ABCA1: variants seen among roughly 807,000 people sequenced by gnomAD.
The protein encoded by ABCA1 is phospholipid-transporting ATPase ABCA1.
ABCA1 carries 133 observed loss-of-function variants against 262.5 expected under a neutral mutation model. The observed-to-expected ratio is 0.51, with a 90% CI of 0.44 to 0.59. The LOEUF (loss-of-function observed/expected upper bound fraction) is 0.59. ABCA1 is among the 20% of genes least tolerant of loss of function. The pLI, the probability that ABCA1 is intolerant of heterozygous loss-of-function variation, is 0.00. For synonymous variants in ABCA1, 1,022 were observed against 1,043.5 expected, an observed-to-expected ratio of 0.98 and a Z score of 0.40; for missense variants, 2,452 against 2,777.5, an observed-to-expected ratio of 0.88 and a Z score of 2.63.
At chr9:104,901,391 C>T (rs144569095) in intron 2 of ABCA1, among the ~76,000 whole-genome samples, 3 of 152,216 alleles carry the variant, frequency 2.0e-5, no homozygotes, top group Middle Eastern at 3.4e-3. Context: ...GACTAGACTA[C>T]CCCAGAGCCA....
chr9:104,882,245 C>T (rs547493606), intron 5 of ABCA1, among the ~76,000 whole-genome samples: 1 of 152,224 alleles, frequency 6.6e-6, no homozygotes, highest in South Asian at 2.1e-4. Context: ...AGTAATTTAT[C>T]ACTGACATTG....
At chr9:104,880,384 C>T (rs542107783) in intron 5 of ABCA1, among the ~76,000 whole-genome samples, 20 of 152,184 alleles carry the variant, frequency 1.3e-4, no homozygotes, top group African/African-American at 4.8e-4. Context: ...CCTGTCATCC[C>T]AGCCCTTCGG....
At chr9:104,799,012 T>C (rs1396267631) in intron 36 of ABCA1, among the ~76,000 whole-genome samples, 1 of 152,154 alleles carries the variant, frequency 6.6e-6, no homozygotes, top group Non-Finnish European at 1.5e-5. Flanking sequence ...CTCAAATAAA[T>C]TAATATTTCT....
chr9:104,874,245 G>C (rs1315298408), intron 5 of ABCA1, among the ~76,000 whole-genome samples: 1 of 152,202 alleles, frequency 6.6e-6, no homozygotes, highest in Non-Finnish European at 1.5e-5. Flanking sequence ...ATATCAGAAA[G>C]GCCAAACAGG....
At chr9:104,797,346 C>G (rs1206008802) in intron 37 of ABCA1, among the ~76,000 whole-genome samples, 1 of 152,104 alleles carries the variant, frequency 6.6e-6, no homozygotes, top group Non-Finnish European at 1.5e-5. Flanking sequence ...TCAAAAAAAT[C>G]AAATGAATTT....
At position 104,800,255 on chromosome 9, in the gene ABCA1, G is replaced by A. The variant is rs926766105; in HGVS notation, c.4773+255C>T. Among the ~76,000 whole-genome samples, 3 of 152,262 alleles carry A rather than the reference G, an allele frequency of 2.0e-5. No individual in the cohort carries two copies. The East Asian group carries it at 5.8e-4, about 29-fold the overall frequency. On this transcript the variant is annotated intron_variant, in intron 35 of 49. Coordinates refer to ENST00000374736, the MANE Select transcript of ABCA1 (RefSeq NM_005502.4). ...CAGTTTGGAAATAGCTATGATTACTGTCTCCATTTCACAGATGAGGGAACT... is the reference window on the plus strand; with the variant it reads ...CAGTTTGGAAATAGCTATGATTACTATCTCCATTTCACAGATGAGGGAACT...
chr9:104,833,220 C>T (rs1476696171), intron 11 of ABCA1, among the ~76,000 whole-genome samples: 3 of 152,174 alleles, frequency 2.0e-5, no homozygotes, highest in Non-Finnish European at 4.4e-5. Flanking sequence ...CTCGCTCTGC[C>T]GCCCGGGCTG....
intron 1 of ABCA1, among the ~76,000 whole-genome samples, chr9:104,904,951 G>A (rs1057361629): frequency 2.6e-5 from 4 of 152,194 alleles, no homozygotes; most frequent in African/African-American, 9.7e-5. Context: ...ACTACATTCT[G>A]TGTATCCCAG....
At chr9:104,898,645 G>A (rs1316424329) in intron 2 of ABCA1, among the ~76,000 whole-genome samples, 1 of 151,996 alleles carries the variant, frequency 6.6e-6, no homozygotes, top group Non-Finnish European at 1.5e-5. Context: ...TAAATGATCT[G>A]GTCATGTCTA....
chr9:104,795,754 C>T (rs1381514657), intron 39 of ABCA1, among the ~76,000 whole-genome samples: 1 of 152,052 alleles, frequency 6.6e-6, no homozygotes, highest in Admixed American at 6.5e-5. Flanking sequence ...AATGGCGTCG[C>T]CCAGCTCTCA....
intron 5 of ABCA1, among the ~76,000 whole-genome samples, chr9:104,872,365 T>C (rs1837695764): frequency 1.3e-5 from 2 of 152,316 alleles, no homozygotes; most frequent in South Asian, 2.1e-4. Context: ...CATCGTGATA[T>C]TGGCCTCAAA....
At chr9:104,862,653 CCGGGCCGGGCCGGGCCGGGCCGGGCCGG>C (rs1564198253) in intron 5 of ABCA1, among the ~76,000 whole-genome samples, 76 of 3,582 alleles carry the variant, frequency 0.021, 13 homozygotes, top group Admixed American at 0.036. Context: ...CCGGGCCGGG[CCGGGCCGGGCCGGGCCGGGCCGGGCCGG>C]GCCGGGCCGG....
chr9:104,818,564 C>T, intron 23 of ABCA1, 99 bp downstream of exon 23: 1 of 1,202,820 alleles, frequency 8.3e-7, no homozygotes, highest in Non-Finnish European at 1.2e-6. Context: ...ATGGTGGTTT[C>T]AACATGGCAA....
intron 5 of ABCA1, among the ~76,000 whole-genome samples, chr9:104,877,370 G>A (rs1048124541): frequency 2.0e-5 from 3 of 152,168 alleles, no homozygotes; most frequent in African/African-American, 7.2e-5. Flanking sequence ...ACTGTGCTGG[G>A]GCTTAGGATG....
chr9:104,855,004 T>C (rs1464364688), intron 7 of ABCA1: 2 of 344,448 alleles, frequency 5.8e-6, no homozygotes, highest in Non-Finnish European at 8.2e-6. Context: ...CCCAGGGAAC[T>C]TTAAAAACAC....
At position 104,816,231 on chromosome 9, in the gene ABCA1, G is replaced by A. The variant is rs1277584205; in HGVS notation, c.3650C>T (p.Ala1217Val). 1.2e-6 allele frequency: 2 copies of A among 1,613,940 alleles called. No homozygotes were observed. Among genetic ancestry groups the A allele is most frequent in the African/African-American group, 1.3e-5 (1 of 74,864 alleles). Residue 1217 changes from alanine (A) to valine (V), a missense_variant, in exon 25 of 50, where the codon GCC (alanine) becomes GTC (valine). Around this residue, in one of 4 missense-constraint regions of ABCA1, gnomAD observed 665 missense variants for 727.3 expected, o/e 0.91. Transcript: ENST00000374736. ...VLPYEAAKEG[A>V]FVELFHEIDD... ...AATCTCATGAAAGAGTTCCACAAAGGCTCCCTCCTTAGCAGCTTCATATGG... is the reference window on the plus strand; with the variant it reads ...AATCTCATGAAAGAGTTCCACAAAGACTCCCTCCTTAGCAGCTTCATATGG...
chr9:104,926,863 A>T (rs2118572286), intron 1 of ABCA1, among the ~76,000 whole-genome samples: 1 of 152,238 alleles, frequency 6.6e-6, no homozygotes, highest in South Asian at 2.1e-4. Context: ...GAGAGGGAGG[A>T]TTGGGCACCC....
At chr9:104,913,386 A>C (rs988839354) in intron 1 of ABCA1, among the ~76,000 whole-genome samples, 2 of 152,194 alleles carry the variant, frequency 1.3e-5, no homozygotes, top group Non-Finnish European at 2.9e-5. Flanking sequence ...ATCTTCTCCA[A>C]AAAATAGAAC....
chr9:104,837,601 C>T, intron 9 of ABCA1, 34 bp from the exon 10 acceptor site: 1 of 1,611,880 alleles, frequency 6.2e-7, no homozygotes, highest in Non-Finnish European at 8.5e-7. Context: ...TGCTCATATG[C>T]ATGGTCATAT....
Sources: allele counts gnomAD v4.1 joint callset (sites outside exome capture counted in the v4.1 genomes callset), GRCh38; gene constraint gnomAD v4.1.1; regional missense constraint gnomAD v4.1.1; transcripts MANE v1.5; gene names NCBI Gene and HGNC (gene_info 2026-07-23, HGNC 2026-07-21).